Variants in CTDSPL2 observed in about 807,000 individuals in gnomAD.
CTDSPL2 encodes the protein CTD small phosphatase like 2.
CTDSPL2 carries 5 observed loss-of-function variants against 60.0 expected under a neutral mutation model. The ratio of observed to expected loss-of-function variants is 0.08; its 90% CI spans 0.04 to 0.18. The LOEUF (loss-of-function observed/expected upper bound fraction) is 0.18. CTDSPL2 is among the 10% of genes least tolerant of loss of function. The pLI is 1.00. For synonymous variants in CTDSPL2, 186 were observed against 189.3 expected, an observed-to-expected ratio of 0.98 and a Z score of 0.14; for missense variants, 370 against 548.8, an observed-to-expected ratio of 0.67 and a Z score of 3.26.
intron 2 of CTDSPL2, among the ~76,000 whole-genome samples, chr15:44,483,500 T>C (rs2140781923): frequency 6.6e-6 from 1 of 151,254 alleles, no homozygotes; most frequent in East Asian, 1.9e-4. Context: ...ATCACACCAC[T>C]GCACCCCAAC....
At chr15:44,461,573 C>CTTTT (rs35540014) in intron 2 of CTDSPL2, among the ~76,000 whole-genome samples, 7 of 125,654 alleles carry the variant, frequency 5.6e-5, no homozygotes, top group South Asian at 2.6e-4. Context: ...GTTTCTCTCC[C>CTTTT]TTTTTTTTTT....
At chr15:44,518,127 G>C (rs2081691424) in intron 10 of CTDSPL2, among the ~76,000 whole-genome samples, 2 of 151,962 alleles carry the variant, frequency 1.3e-5, no homozygotes, top group Admixed American at 1.3e-4. Context: ...AGATTTTGTG[G>C]GTAGAAAATA....
At chr15:44,439,709 A>G (rs1435834918) in intron 1 of CTDSPL2, among the ~76,000 whole-genome samples, 4 of 152,168 alleles carry the variant, frequency 2.6e-5, no homozygotes, top group Non-Finnish European at 5.9e-5. Context: ...CTGAAAGGGT[A>G]TGGTAAATCC....
Position 44,525,789 on chromosome 15 carries a change from C to A in CTDSPL2, c.*1615C>A, listed in dbSNP as rs1413298031. ...TTGATTTTAAAGGCATGAGTTATGT[C>A]AATTTTCAGTGTATTAATGAAGATT... On this transcript the variant is annotated 3_prime_UTR_variant, in exon 13 of 13. Coordinates refer to ENST00000260327, the MANE Select transcript of CTDSPL2 (RefSeq NM_016396.3). 3 of 236,522 alleles carry A rather than the reference C, an allele frequency of 1.3e-5. No individual in the cohort carries two copies. The highest frequency in any genetic ancestry group is 4.5e-5 in the African/African-American group (2 of 44,746). 14.7% of individuals were successfully genotyped at this position (236,522 alleles called of 1,614,324 possible).
Position 44,521,370 on chromosome 15 carries a change from A to C in CTDSPL2, c.1299A>C (p.Leu433=). Residue 433 remains leucine (L), a synonymous_variant, in exon 12 of 13, where the codon CTA becomes CTC. Transcript: ENST00000260327. ...WFMDKNDNEL[L]KLIPFLEKLV... ...TGGATAAAAATGACAATGAACTCCT[A>C]AAATTGATTCCATTCCTGGAGAAGC... 1 of 1,594,582 alleles carries C rather than the reference A, an allele frequency of 6.3e-7. No homozygotes were observed. Among genetic ancestry groups the C allele is most frequent in the East Asian group, 2.2e-5 (1 of 44,474 alleles).
At chr15:44,499,576 C>T (rs190155100) in intron 7 of CTDSPL2, 151 bp from the exon 8 acceptor site, 2 of 420,782 alleles carry the variant, frequency 4.8e-6, no homozygotes, top group Non-Finnish European at 8.4e-6. Flanking sequence ...ACTCCTACCC[C>T]AAATTGCTGT....
At chr15:44,434,545 C>T (rs1251312156) in intron 1 of CTDSPL2, among the ~76,000 whole-genome samples, 1 of 152,174 alleles carries the variant, frequency 6.6e-6, no homozygotes, top group African/African-American at 2.4e-5. Context: ...AGGTGTGCAC[C>T]ACCACGCCTG....
intron 8 of CTDSPL2, among the ~76,000 whole-genome samples, chr15:44,510,458 T>C (rs2081547536): frequency 6.6e-6 from 1 of 152,234 alleles, no homozygotes; most frequent in Non-Finnish European, 1.5e-5. Context: ...TTTTAAACTT[T>C]TGACATTTTC....
chr15:44,509,454 G>A (rs1465724288), intron 8 of CTDSPL2, among the ~76,000 whole-genome samples: 1 of 152,044 alleles, frequency 6.6e-6, no homozygotes, highest in African/African-American at 2.4e-5. Context: ...TGATCCGCCC[G>A]CCTTGGCCTC....
At chr15:44,438,291 A>G (rs1295080147) in intron 1 of CTDSPL2, among the ~76,000 whole-genome samples, 2 of 152,018 alleles carry the variant, frequency 1.3e-5, no homozygotes, top group African/African-American at 4.8e-5. Context: ...ATGTGGCAGC[A>G]AATAGCAATG....
chr15:44,448,833 G>A (rs886122826), intron 1 of CTDSPL2: 5 of 360,440 alleles, frequency 1.4e-5, no homozygotes, highest in Non-Finnish European at 2.6e-5. Context: ...TTGGTAAGGC[G>A]GTCTCATCCG....
intron 1 of CTDSPL2, among the ~76,000 whole-genome samples, chr15:44,442,123 T>C (rs1567060443): frequency 6.6e-6 from 1 of 152,168 alleles, no homozygotes; most frequent in African/African-American, 2.4e-5. Context: ...TGCTTATTCT[T>C]CTATTTCCTG....
rs2081713665 is a variant in CTDSPL2 at position 44,519,214 on chromosome 15, T to C, written c.1158T>C (p.Tyr386=). The C allele has an allele frequency of 6.4e-7, 1 of 1,567,748 alleles. No homozygotes were observed. Among genetic ancestry groups the C allele is most frequent in the African/African-American group, 1.4e-5 (1 of 72,242 alleles). Reference sequence around the variant, plus strand: ...ATTGTGTTTGTGTACAAGGAAACTATATAAAGGACTTAAATATTCTTGGAA... The same window carrying C: ...ATTGTGTTTGTGTACAAGGAAACTACATAAAGGACTTAAATATTCTTGGAA... ...REHCVCVQGN[Y]IKDLNILGRD... The change falls in exon 11 of 13, where the codon TAT becomes TAC. Residue 386 remains tyrosine, a synonymous_variant. Transcript: ENST00000260327.
chr15:44,485,861 G>A (rs2081109798), intron 3 of CTDSPL2, among the ~76,000 whole-genome samples: 1 of 151,844 alleles, frequency 6.6e-6, no homozygotes, highest in Non-Finnish European at 1.5e-5. Flanking sequence ...AAAGAAACAA[G>A]TTAAAAGAAC....
Position 44,501,799 on chromosome 15 carries a change from A to G in CTDSPL2, c.969+1986A>G, listed in dbSNP as rs574980518. Among the ~76,000 whole-genome samples the G allele has an allele frequency of 2.0e-5, 3 of 152,294 alleles. No homozygotes were observed. The East Asian group carries it at 5.8e-4, about 29-fold the overall frequency. ...GTTACTTTTTAGTAAATTTTTGAGGATATCCGTAGTTAATATTGGGTACAT... is the reference window on the plus strand; with the variant it reads ...GTTACTTTTTAGTAAATTTTTGAGGGTATCCGTAGTTAATATTGGGTACAT... On this transcript the variant is annotated intron_variant, in intron 8 of 12. Coordinates refer to ENST00000260327, the MANE Select transcript of CTDSPL2 (RefSeq NM_016396.3).
intron 2 of CTDSPL2, among the ~76,000 whole-genome samples, chr15:44,464,677 T>A (rs774777237): frequency 6.6e-6 from 1 of 152,124 alleles, no homozygotes; most frequent in Non-Finnish European, 1.5e-5. Flanking sequence ...TGGTCATACT[T>A]CTTTAGGGGC....
At chr15:44,428,847 G>T (rs961696115) in intron 1 of CTDSPL2, among the ~76,000 whole-genome samples, 1 of 152,190 alleles carries the variant, frequency 6.6e-6, no homozygotes, top group Non-Finnish European at 1.5e-5. Context: ...GCGTGTTAAA[G>T]CTAGTTTTAC....
chr15:44,428,642 G>A (rs117748485), intron 1 of CTDSPL2, among the ~76,000 whole-genome samples: 15 of 152,194 alleles, frequency 9.9e-5, no homozygotes, highest in African/African-American at 3.4e-4. Flanking sequence ...GTTCCTCCGA[G>A]GCAGGGATTT....
At position 44,440,396 on chromosome 15, in the gene CTDSPL2, CT is replaced by C. The variant is rs199889688; in HGVS notation, c.-25+12625del. Among the ~76,000 whole-genome samples the C allele has an allele frequency of 7.2e-5, 11 of 152,042 alleles. No individual in the cohort carries two copies. In the East Asian group the frequency reaches 1.9e-3, roughly 27 times the overall value. On this transcript the variant is annotated intron_variant, in intron 1 of 12. Transcript: ENST00000260327. ...ATTTTAGTAGAGATGGGGCTTCACT[CT>C]GTTGCCCAGGCTGGTCTCGAACTCC...
Sources: allele counts gnomAD v4.1 joint callset (sites outside exome capture counted in the v4.1 genomes callset), GRCh38; gene constraint gnomAD v4.1.1; transcripts MANE v1.5; gene names NCBI Gene and HGNC (gene_info 2026-07-23, HGNC 2026-07-21).